Variants in MTMR10 observed in about 807,000 individuals in gnomAD.
MTMR10 encodes the protein myotubularin-related protein 10.
Under a neutral mutation model 88.1 loss-of-function variants are expected in MTMR10, and 56 were observed. The ratio of observed to expected loss-of-function variants is 0.64; its 90% confidence interval spans 0.51 to 0.79. MTMR10 has a LOEUF of 0.79. Ranked by LOEUF, MTMR10 falls within the 30% of genes least tolerant of loss-of-function variation. MTMR10 has a pLI of 0.00. For synonymous variants in MTMR10, 380 were observed against 340.9 expected (o/e 1.11, Z -1.26); for missense variants, 883 against 924.7 (o/e 0.95, Z 0.58).
chr15:30,967,372 T>A (rs1364371541), intron 6 of MTMR10, among the ~76,000 whole-genome samples: 1 of 152,194 alleles, frequency 6.6e-6, no homozygotes, highest in Non-Finnish European at 1.5e-5. Flanking sequence ...TAGACAAAAC[T>A]ATTTACTTTC....
chr15:30,929,516 G>GCACA, the MTMR10 span: 1 of 473,244 alleles, frequency 2.1e-6, no homozygotes, highest in Non-Finnish European at 3.6e-6. Flanking sequence ...GTATGTGTGT[G>GCACA]CATATATATG....
At chr15:30,919,888 C>T in the MTMR10 span, among the ~76,000 whole-genome samples, 1 of 152,008 alleles carries the variant, frequency 6.6e-6, no homozygotes, top group African/African-American at 2.4e-5. Context: ...TATAAGTGGA[C>T]GTGTGCAGTT....
chr15:30,929,370 T>G, the MTMR10 span: 1 of 1,607,842 alleles, frequency 6.2e-7, no homozygotes, highest in Non-Finnish European at 8.5e-7. Flanking sequence ...TCAGCTGGGA[T>G]CGCTTCACGT....
rs143885700 is a variant in MTMR10 at position 30,939,240 on chromosome 15, A to G, written c.*2230T>C. ...TTTCAAAATCAGTTTCCATCATAAA[A>G]TAACAGCAAGACACTGTACACCTTT... On this transcript the variant is annotated 3_prime_UTR_variant, in exon 16 of 16. Transcript: ENST00000435680. 6.9e-4 allele frequency: 681 copies of G among 985,498 alleles called. 5 individuals are homozygous for G. The Middle Eastern group carries it at 8.4e-3, about 12-fold the overall frequency. 61.0% of individuals were successfully genotyped at this position (985,498 alleles called of 1,614,324 possible). A position where few individuals can be genotyped will look rare whatever the true frequency, so the allele number is the denominator to read the frequency against.
chr15:30,939,195 A>T lies in MTMR10; in HGVS notation c.*2275T>A. On this transcript the variant is annotated 3_prime_UTR_variant, in exon 16 of 16. Transcript: ENST00000435680. ...AAATTAATATCCTTTCCTTAAATAAAGTTAGTTAGCTATTTTTGGTTTCAA... is the reference window on the plus strand; with the variant it reads ...AAATTAATATCCTTTCCTTAAATAATGTTAGTTAGCTATTTTTGGTTTCAA... 1 of 985,332 alleles carries T rather than the reference A, an allele frequency of 1.0e-6. No individual in the cohort carries two copies. Among genetic ancestry groups the T allele is most frequent in the Non-Finnish European group, 1.2e-6 (1 of 829,792 alleles). 61.0% of individuals were successfully genotyped at this position (985,332 alleles called of 1,614,324 possible).
the MTMR10 span, among the ~76,000 whole-genome samples, chr15:30,932,512 A>G: frequency 6.6e-6 from 1 of 152,158 alleles, no homozygotes; most frequent in African/African-American, 2.4e-5. Flanking sequence ...AACATTTGAT[A>G]GAATTCCCCA....
At chr15:30,924,167 CAT>C in the MTMR10 span, among the ~76,000 whole-genome samples, 1 of 152,234 alleles carries the variant, frequency 6.6e-6, no homozygotes, top group East Asian at 1.9e-4. Context: ...CATCGTGGCA[CAT>C]GTCAGGACTC....
rs770375554 is a variant in MTMR10 at position 30,960,909 on chromosome 15, T to C, written c.730A>G (p.Ile244Val). The change falls in exon 7 of 16, where the codon ATT becomes GTT. Residue 244 changes from isoleucine to valine, a missense_variant. Ile to Val is a conservative substitution (Grantham distance 29). This residue lies in a region of MTMR10 where 414 missense variants were observed against 423.2 expected (regional missense o/e 0.98). Coordinates refer to ENST00000435680, the MANE Select transcript of MTMR10 (RefSeq NM_017762.3). ...GTGGATATCATGTAACCCTCGTTAA[T>C]AGAACAAACTCTCCACCCGGAAGCA... ...TGASGWRVCS[I>V]NEGYMISTCL... The C allele has an allele frequency of 1.1e-5, 17 of 1,611,806 alleles. 1 individual carries two copies. The highest frequency in any genetic ancestry group is 1.6e-4 in the Middle Eastern group (1 of 6,080).
intron 5 of MTMR10, among the ~76,000 whole-genome samples, chr15:30,972,402 C>T (rs1339346205): frequency 6.6e-6 from 1 of 152,174 alleles, no homozygotes; most frequent in Admixed American, 6.5e-5. Context: ...CTGCAACCCC[C>T]GTGGCTATAC....
chr15:30,947,485 A>G (rs191412091), intron 13 of MTMR10, among the ~76,000 whole-genome samples, 185 bp from the exon 14 acceptor site: 7 of 152,354 alleles, frequency 4.6e-5, no homozygotes, highest in Non-Finnish European at 1.0e-4. Context: ...CAACCGTGAT[A>G]AACATCACAA....
chr15:30,970,440 C>G (rs2063523852), intron 5 of MTMR10, among the ~76,000 whole-genome samples: 1 of 152,180 alleles, frequency 6.6e-6, no homozygotes, highest in South Asian at 2.1e-4. Flanking sequence ...CCTCTCTGCA[C>G]AGACTTGAGT....
intron 5 of MTMR10, among the ~76,000 whole-genome samples, chr15:30,968,562 C>CACAT (rs1313923054): frequency 1.3e-5 from 2 of 151,630 alleles, no homozygotes; most frequent in East Asian, 1.9e-4. Flanking sequence ...CACACACACA[C>CACAT]ACACACACAC....
At chr15:30,991,240 G>A (rs1032538841) in intron 1 of MTMR10, 3 of 505,862 alleles carry the variant, frequency 5.9e-6, no homozygotes, top group Non-Finnish European at 1.0e-5. Context: ...GCAGAGAATG[G>A]CTGCAGAAGA....
chr15:30,944,541 G>A (rs893471727), intron 14 of MTMR10, among the ~76,000 whole-genome samples: 1 of 150,504 alleles, frequency 6.6e-6, no homozygotes, highest in African/African-American at 2.5e-5. Flanking sequence ...GCTCCAGCCT[G>A]GGTGATAGAG....
chr15:30,925,791 G>T, the MTMR10 span: 1 of 1,614,094 alleles, frequency 6.2e-7, no homozygotes, highest in Admixed American at 1.7e-5. Flanking sequence ...TGTTTCAGGT[G>T]ACCATCACAG....
In MTMR10 at chr15:30,939,853, A is replaced by G. The variant is rs1306442389; in HGVS notation, c.*1617T>C. ...TAAAATGTTTAATAATTCTATTTGT[A>G]TAAACTGAAACTAGCCCTTATTTTC... is the stretch of plus-strand genomic sequence containing the variant. On this transcript the variant is annotated 3_prime_UTR_variant, in exon 16 of 16. Coordinates refer to ENST00000435680, the MANE Select transcript of MTMR10 (RefSeq NM_017762.3). 1.0e-6 allele frequency: 1 copy of G among 985,212 alleles called. No homozygotes were observed. The highest frequency in any genetic ancestry group is 1.2e-6 in the Non-Finnish European group (1 of 829,796). 61.0% of individuals were successfully genotyped at this position (985,212 alleles called of 1,614,324 possible).
intron 1 of MTMR10, 42 bp downstream of exon 1, chr15:30,991,405 G>C: frequency 1.4e-6 from 2 of 1,443,280 alleles, no homozygotes; most frequent in Non-Finnish European, 1.8e-6. Flanking sequence ...CTCCACGGAA[G>C]CGCAGAGGAG....
chr15:30,925,915 T>G, the MTMR10 span: 2 of 1,614,216 alleles, frequency 1.2e-6, no homozygotes, highest in Non-Finnish European at 1.7e-6. Context: ...ACTGGCCCAT[T>G]ACAGACGCAG....
In MTMR10 at chr15:30,940,264, CA is replaced by C; in HGVS notation, c.*1205del. On this transcript the variant is annotated 3_prime_UTR_variant, in exon 16 of 16. Transcript: ENST00000435680. ...CAGTGGTAGGTAGGCTCTTGTCACA[CA>C]GTTTGGAAATACTTTACTTTAGAGA... 1 of 974,510 alleles carries C rather than the reference CA, an allele frequency of 1.0e-6. No homozygotes were observed. The allele number at this position is 974,510 out of a possible 1,614,324, so 60.4% of individuals were successfully genotyped here.
Sources: allele counts gnomAD v4.1 joint callset (sites outside exome capture counted in the v4.1 genomes callset), GRCh38; gene constraint gnomAD v4.1.1; regional missense constraint gnomAD v4.1.1; transcripts MANE v1.5; gene names NCBI Gene and HGNC (gene_info 2026-07-23, HGNC 2026-07-21).